The following SPECC1 variants were observed in gnomAD, a reference collection of about 807,000 sequenced individuals.
SPECC1 encodes sperm antigen with calponin homology and coiled-coil domains 1, also known as cytospin-B.
In SPECC1, 62 loss-of-function variants were observed where a neutral mutation model predicts 104.1. The ratio of observed to expected loss-of-function variants is 0.60; its 90% CI spans 0.49 to 0.74. The LOEUF is 0.74. Among genes scored for constraint, SPECC1 ranks in the 30% least tolerant of loss-of-function variants. The pLI, the probability that SPECC1 is intolerant of heterozygous loss-of-function variation, is 0.00. For synonymous variants in SPECC1, 513 were observed against 501.6 expected, an observed-to-expected ratio of 1.02 and a Z score of -0.30; for missense variants, 1,306 against 1,310.5, an observed-to-expected ratio of 1.00 and a Z score of 0.05.
intron 10 of SPECC1, among the ~76,000 whole-genome samples, chr17:20,255,049 G>A (rs946243736): frequency 6.6e-6 from 1 of 152,174 alleles, no homozygotes; most frequent in Non-Finnish European, 1.5e-5. Context: ...TGGCTGTGGG[G>A]CCAGGAAGTC....
chr17:20,110,443 G>A lies in SPECC1; in HGVS notation c.164G>A (p.Ser55Asn). Residue 55 changes from serine to asparagine, a missense_variant, in exon 3 of 15, where the codon AGT becomes AAT. Ser to Asn is a conservative substitution (Grantham distance 46, BLOSUM62 1). Around this residue, in one of 2 missense-constraint regions of SPECC1, gnomAD observed 1,177 missense variants for 1,139.9 expected, o/e 1.03. Coordinates refer to ENST00000395527, the MANE Select transcript of SPECC1 (RefSeq NM_001243439.2). ...SRLSRLKRAS[S>N]EDTLNKPGST... ...CTCTCTCAGCTCAAGAGGGCCAGCA[G>A]TGAGGACACGCTCAACAAGCCAGGA... The A allele has an allele frequency of 6.2e-7, 1 of 1,613,534 alleles. No individual in the cohort carries two copies. Among genetic ancestry groups the A allele is most frequent in the Non-Finnish European group, 8.5e-7 (1 of 1,179,682 alleles).
intron 1 of SPECC1, among the ~76,000 whole-genome samples, chr17:20,024,349 ACTC>A (rs2044515993): frequency 6.9e-6 from 1 of 144,086 alleles, no homozygotes; most frequent in African/African-American, 2.9e-5. Flanking sequence ...ATTCTTGTTT[ACTC>A]TATGCGGAAT....
intron 12 of SPECC1, among the ~76,000 whole-genome samples, chr17:20,289,648 G>A (rs1347503718): frequency 1.3e-5 from 2 of 152,168 alleles, no homozygotes; most frequent in African/African-American, 4.8e-5. Context: ...ATGTAAATTA[G>A]TTCAGCCGTT....
intron 4 of SPECC1, among the ~76,000 whole-genome samples, chr17:20,206,186 C>T (rs1269766895): frequency 6.6e-6 from 1 of 152,156 alleles, no homozygotes; most frequent in East Asian, 1.9e-4. Context: ...ATCATACAGC[C>T]TATGCCCAGG....
intron 1 of SPECC1, among the ~76,000 whole-genome samples, chr17:20,060,121 T>C (rs1210773672): frequency 6.6e-6 from 1 of 152,204 alleles, no homozygotes; most frequent in Non-Finnish European, 1.5e-5. Context: ...AATGTTCCAT[T>C]AGTATGTGTT....
chr17:20,082,380 G>A (rs1396401416), intron 1 of SPECC1, among the ~76,000 whole-genome samples: 1 of 152,120 alleles, frequency 6.6e-6, no homozygotes, highest in African/African-American at 2.4e-5. Flanking sequence ...CAGGAGAATT[G>A]CTTCATCCCA....
At chr17:20,127,260 A>T (rs2049357229) in intron 3 of SPECC1, among the ~76,000 whole-genome samples, 1 of 152,136 alleles carries the variant, frequency 6.6e-6, no homozygotes, top group African/African-American at 2.4e-5. Flanking sequence ...TTTGTTTCAT[A>T]GGTGCATATT....
At chr17:20,098,800 C>T (rs1380224956) in intron 2 of SPECC1, among the ~76,000 whole-genome samples, 3 of 152,224 alleles carry the variant, frequency 2.0e-5, no homozygotes, top group Non-Finnish European at 4.4e-5. Context: ...TTGCACACAC[C>T]TGCTTGTTTA....
At chr17:20,229,793 G>A (rs990687237) in intron 5 of SPECC1, among the ~76,000 whole-genome samples, 2 of 152,248 alleles carry the variant, frequency 1.3e-5, no homozygotes, top group African/African-American at 4.8e-5. Context: ...ATGTGCTAAA[G>A]CAGCCAAATT....
At chr17:20,130,434 C>CT (rs1390724671) in intron 3 of SPECC1, among the ~76,000 whole-genome samples, 1 of 152,102 alleles carries the variant, frequency 6.6e-6, no homozygotes, top group Non-Finnish European at 1.5e-5. Context: ...ACTTGAGATG[C>CT]TGAGGTGGGA....
chr17:20,299,767 A>C (rs1387113129), intron 13 of SPECC1, among the ~76,000 whole-genome samples: 1 of 152,162 alleles, frequency 6.6e-6, no homozygotes, highest in Admixed American at 6.5e-5. Flanking sequence ...TTCTGGGGGA[A>C]AGATTGTATT....
At chr17:20,226,325 G>A (rs1226643234) in intron 4 of SPECC1, among the ~76,000 whole-genome samples, 1 of 152,198 alleles carries the variant, frequency 6.6e-6, no homozygotes, top group African/African-American at 2.4e-5. Context: ...AGCATAGTAA[G>A]CATAGTATTG....
intron 1 of SPECC1, among the ~76,000 whole-genome samples, chr17:20,082,998 G>GTTCA (rs1567830429): frequency 3.7e-3 from 465 of 126,426 alleles, no homozygotes; most frequent in African/African-American, 0.013. Context: ...TCGTTCGTTC[G>GTTCA]TTCGTTCATT....
intron 1 of SPECC1, among the ~76,000 whole-genome samples, chr17:20,049,774 C>G (rs2045670872): frequency 6.6e-6 from 1 of 151,862 alleles, no homozygotes; most frequent in Non-Finnish European, 1.5e-5. Context: ...GTGTTTTCTT[C>G]TGCTAATTAT....
intron 7 of SPECC1, chr17:20,237,460 G>A (rs1006103301): frequency 3.2e-4 from 76 of 238,750 alleles, no homozygotes; most frequent in Non-Finnish European, 7.5e-5. Context: ...AATTACAGGC[G>A]CCTGCCACCA....
At chr17:20,120,744 TAC>T (rs2048987517) in intron 3 of SPECC1, among the ~76,000 whole-genome samples, 1 of 152,242 alleles carries the variant, frequency 6.6e-6, no homozygotes, top group African/African-American at 2.4e-5. Flanking sequence ...GAAATTTTAA[TAC>T]AGTGTTGTGA....
chr17:20,028,128 TTTC>T (rs2044666832), intron 1 of SPECC1, among the ~76,000 whole-genome samples: 1 of 152,236 alleles, frequency 6.6e-6, no homozygotes, highest in South Asian at 2.1e-4. Flanking sequence ...TCATTTTTTT[TTTC>T]ATGTGACTAT....
chr17:20,048,309 A>G lies in SPECC1; in HGVS notation c.-22+38885A>G, dbSNP rs138612423. 4.5e-3 allele frequency among the ~76,000 whole-genome samples: 679 copies of G among 151,602 alleles called. 8 individuals carry two copies. The highest frequency in any genetic ancestry group is 0.015 in the African/African-American group (638 of 41,340). ...CCACCACGCCCGGCTAATTTTTTGT[A>G]TTTTTAGTAGAGACTGGGTTTCACT... On this transcript the variant is annotated intron_variant, in intron 1 of 14. Coordinates refer to ENST00000395527, the MANE Select transcript of SPECC1 (RefSeq NM_001243439.2).
chr17:20,251,610 A>G (rs2039636933), intron 9 of SPECC1, among the ~76,000 whole-genome samples: 1 of 152,226 alleles, frequency 6.6e-6, no homozygotes, highest in Non-Finnish European at 1.5e-5. Context: ...AATGTTCTGG[A>G]AAGCCTCAGA....
Sources: allele counts gnomAD v4.1 joint callset (sites outside exome capture counted in the v4.1 genomes callset), GRCh38; gene constraint gnomAD v4.1.1; regional missense constraint gnomAD v4.1.1; transcripts MANE v1.5; gene names NCBI Gene and HGNC (gene_info 2026-07-23, HGNC 2026-07-21).